Variants in MYH9 observed in about 807,000 individuals in gnomAD.
MYH9 encodes myosin heavy chain 9.
Under a neutral mutation model 241.9 loss-of-function variants are expected in MYH9, and 29 were observed. That is an observed-to-expected ratio of 0.12 (90% CI 0.09 to 0.16). The LOEUF is 0.16. Among genes scored for constraint, MYH9 ranks in the 10% least tolerant of loss-of-function variants. MYH9 has a pLI of 1.00. For missense variants in MYH9, 1,803 were observed against 2,595.5 expected, an observed-to-expected ratio of 0.69 and a Z score of 6.63; for synonymous variants, 1,047 against 1,062.6, an observed-to-expected ratio of 0.99 and a Z score of 0.29.
Position 36,284,288 on chromosome 22 carries a change from C to G in MYH9, c.5593-23G>C, listed in dbSNP as rs1410338883. 5 of 1,606,044 alleles carry G rather than the reference C, an allele frequency of 3.1e-6. No homozygotes were observed. In the African/African-American group the frequency reaches 6.7e-5, roughly 21 times the overall value. ...GGCCTGCGGAGATGGACGTGTGGCCCGTGGCCCCGGTTAGGGGCTCTGGGC... is the reference window on the plus strand; with the variant it reads ...GGCCTGCGGAGATGGACGTGTGGCCGGTGGCCCCGGTTAGGGGCTCTGGGC... On this transcript the variant is annotated intron_variant, in intron 39 of 40. Coordinates refer to ENST00000216181, the MANE Select transcript of MYH9 (RefSeq NM_002473.6).
chr22:36,303,173 T>TGCCACAC (rs112742884), intron 19 of MYH9, among the ~76,000 whole-genome samples: 7,408 of 152,124 alleles, frequency 0.049, 180 homozygotes, highest in East Asian at 0.095. Flanking sequence ...TCTGTGCAAA[T>TGCCACAC]GCTCAAGCTT....
chr22:36,314,421 C>T, intron 12 of MYH9, 103 bp from the exon 13 acceptor site: 1 of 1,391,314 alleles, frequency 7.2e-7, no homozygotes, highest in Non-Finnish European at 1.0e-6. Context: ...GGAAGGGCCT[C>T]CTTGGGCACC....
intron 1 of MYH9, among the ~76,000 whole-genome samples, chr22:36,362,482 T>C (rs1307890572): frequency 2.6e-5 from 4 of 152,042 alleles, no homozygotes; most frequent in Non-Finnish European, 5.9e-5. Flanking sequence ...CACAGAGACA[T>C]GGCTTTAGAT....
chr22:36,344,322 A>T (rs1318648640), intron 2 of MYH9, among the ~76,000 whole-genome samples: 1 of 152,238 alleles, frequency 6.6e-6, no homozygotes, highest in African/African-American at 2.4e-5. Flanking sequence ...CTGAAGAAAA[A>T]GACAGAGCAG....
Position 36,300,138 on chromosome 22 carries a change from T to G in MYH9, c.2965A>C (p.Lys989Gln), listed in dbSNP as rs201389127. ...GCCACGGGCCTCACCTTGGCCAGCT[T>G]GCAGTTCTGGTCCTCCAGGATGATC... ...EQIILEDQNCKLAKEKKLLED... is the reference protein window; with the variant it reads ...EQIILEDQNCQLAKEKKLLED... The change falls in exon 23 of 41, where the codon AAG becomes CAG. Residue 989 changes from lysine (K) to glutamine (Q), a missense_variant. Transcript: ENST00000216181. The surrounding 1 kb of genome is among the most constrained non-coding windows in gnomAD (Gnocchi z 5.0). The G allele has an allele frequency of 9.1e-5, 147 of 1,611,732 alleles. No individual in the cohort carries two copies. Among genetic ancestry groups the G allele is most frequent in the Non-Finnish European group, 1.2e-4 (146 of 1,179,998 alleles).
chr22:36,293,657 A>T lies in MYH9; in HGVS notation c.3942+102T>A. On this transcript the variant is annotated intron_variant, in intron 29 of 40. Transcript: ENST00000216181. This position sits in a 1 kb window ranked among gnomAD's most constrained non-coding sequence, Gnocchi z 5.1. ...CCCACCCACAGGATGAAGCAGATGA[A>T]GGAGAGGATGGGCAATCCGATGGGC... The T allele has an allele frequency of 7.5e-7, 1 of 1,337,760 alleles. No individual in the cohort carries two copies. Among genetic ancestry groups the T allele is most frequent in the Non-Finnish European group, 1.1e-6 (1 of 946,806 alleles). The allele number at this position is 1,337,760 out of a possible 1,614,324, so 82.9% of individuals were successfully genotyped here. A position where few individuals can be genotyped will look rare whatever the true frequency, so the allele number is the denominator to read the frequency against.
intron 3 of MYH9, among the ~76,000 whole-genome samples, chr22:36,340,051 G>A (rs1291735150): frequency 1.3e-5 from 2 of 152,100 alleles, no homozygotes; most frequent in Non-Finnish European, 2.9e-5. Flanking sequence ...GTGTTCTGAA[G>A]CAGAAAGAGC....
chr22:36,353,970 G>A (rs577290247), intron 1 of MYH9, among the ~76,000 whole-genome samples: 1 of 151,866 alleles, frequency 6.6e-6, no homozygotes, highest in Admixed American at 6.6e-5. Context: ...GCACGATCTC[G>A]GCTCACTGCA....
In MYH9 at chr22:36,306,331, G is replaced by T; in HGVS notation, c.2037+83C>A. The T allele has an allele frequency of 6.4e-7, 1 of 1,552,972 alleles. No homozygotes were observed. The highest frequency in any genetic ancestry group is 8.8e-7 in the Non-Finnish European group (1 of 1,136,620). On this transcript the variant is annotated intron_variant, in intron 16 of 40. Transcript: ENST00000216181. This position sits in a 1 kb window ranked among gnomAD's most constrained non-coding sequence, Gnocchi z 4.1. Reference sequence around the variant, plus strand: ...CTGTGCATGCTGGGGGGCTGGAGGGGTGCTTTTGCTGGGGAGACAGACAAG... The same window carrying T: ...CTGTGCATGCTGGGGGGCTGGAGGGTTGCTTTTGCTGGGGAGACAGACAAG...
rs1315141281 is a variant in MYH9 at position 36,293,289 on chromosome 22, C to A, written c.4095+40G>T. The stretch of plus-strand genomic sequence containing the variant: ...AGGCCAGTGCCCGGCCAGCAGCTCC[C>A]CAGCCTGCAGAGTCCGGCCGGTCCC... On this transcript the variant is annotated intron_variant, in intron 30 of 40. Coordinates refer to ENST00000216181, the MANE Select transcript of MYH9 (RefSeq NM_002473.6). This position sits in a 1 kb window ranked among gnomAD's most constrained non-coding sequence, Gnocchi z 5.1. 1 of 1,612,728 alleles carries A rather than the reference C, an allele frequency of 6.2e-7. No homozygotes were observed. Among genetic ancestry groups the A allele is most frequent in the South Asian group, 1.1e-5 (1 of 91,060 alleles).
Position 36,295,403 on chromosome 22 carries a change from T to C in MYH9, c.3485+102A>G. On this transcript the variant is annotated intron_variant, in intron 26 of 40. Transcript: ENST00000216181. This position sits in a 1 kb window ranked among gnomAD's most constrained non-coding sequence, Gnocchi z 4.1. ...CTGCTGGTGCCTAAGAGGGCCACGG[T>C]GTGTGTGTGTGTGTGTGTGCAGAGG... The C allele has an allele frequency of 1.7e-6, 1 of 586,432 alleles. No individual in the cohort carries two copies. Among genetic ancestry groups the C allele is most frequent in the Non-Finnish European group, 2.9e-6 (1 of 344,390 alleles). 36.3% of individuals were successfully genotyped at this position (586,432 alleles called of 1,614,324 possible). A position where few individuals can be genotyped will look rare whatever the true frequency, so the allele number is the denominator to read the frequency against.
chr22:36,320,302 G>T lies in MYH9; in HGVS notation c.930C>A (p.Ile310=). The T allele has an allele frequency of 6.2e-7, 1 of 1,614,214 alleles. No homozygotes were observed. The highest frequency in any genetic ancestry group is 1.3e-5 in the African/African-American group (1 of 75,066). Residue 310 remains isoleucine (I), a synonymous_variant, in exon 9 of 41, where the codon ATC becomes ATA. Coordinates refer to ENST00000216181, the MANE Select transcript of MYH9 (RefSeq NM_002473.6). The surrounding 1 kb of genome is among the most constrained non-coding windows in gnomAD (Gnocchi z 4.8). ...YRFLSNGHVT[I]PGQQDKDMFQ... is the part of the protein sequence containing the mutation. ...ACATGTCCTTGTCCTGCTGCCCGGGGATGGTGACGTGTCCATTGGACAGGA... is the reference window on the plus strand; with the variant it reads ...ACATGTCCTTGTCCTGCTGCCCGGGTATGGTGACGTGTCCATTGGACAGGA...
Position 36,285,088 on chromosome 22 carries a change from C to T in MYH9, c.5483+33G>A. On this transcript the variant is annotated intron_variant, in intron 38 of 40. Coordinates refer to ENST00000216181, the MANE Select transcript of MYH9 (RefSeq NM_002473.6). This position sits in a 1 kb window ranked among gnomAD's most constrained non-coding sequence, Gnocchi z 7.0. ...AGGGGGGCCAGAGTTTTTTCCAGGA[C>T]AGCTGGGGTTGGGCGGGGCCAGGGG... is the stretch of plus-strand genomic sequence containing the variant. 1 of 1,605,848 alleles carries T rather than the reference C, an allele frequency of 6.2e-7. No homozygotes were observed. The highest frequency in any genetic ancestry group is 8.5e-7 in the Non-Finnish European group (1 of 1,174,530).
intron 2 of MYH9, among the ~76,000 whole-genome samples, chr22:36,343,777 G>A (rs2017629329): frequency 6.6e-6 from 1 of 152,206 alleles, no homozygotes; most frequent in Non-Finnish European, 1.5e-5. Flanking sequence ...AGACACGGGA[G>A]CCTGTTCTGG....
intron 30 of MYH9, 45 bp from the exon 31 acceptor site, chr22:36,292,279 C>G: frequency 3.1e-6 from 5 of 1,610,904 alleles, no homozygotes; most frequent in Non-Finnish European, 4.2e-6. Context: ...ATGGCACCTG[C>G]TCAGGTGGCA....
chr22:36,318,935 TG>T (rs1397608967), intron 10 of MYH9, among the ~76,000 whole-genome samples: 2 of 152,110 alleles, frequency 1.3e-5, no homozygotes, highest in African/African-American at 4.8e-5. Context: ...GGCTAATTTT[TG>T]TATTTTTAAT....
At chr22:36,374,974 C>T (rs767360589) in intron 1 of MYH9, among the ~76,000 whole-genome samples, 35 of 152,292 alleles carry the variant, frequency 2.3e-4, no homozygotes, top group Non-Finnish European at 4.4e-4. Flanking sequence ...GAAGCCTTCT[C>T]AGACTCCCCC....
At chr22:36,324,953 T>C (rs2017312158) in intron 5 of MYH9, 2 of 672,254 alleles carry the variant, frequency 3.0e-6, no homozygotes, top group Non-Finnish European at 5.4e-6. Flanking sequence ...GCTCTCCGTG[T>C]CCTGTCTCCT....
intron 14 of MYH9, among the ~76,000 whole-genome samples, chr22:36,310,426 C>T (rs904188317): frequency 4.6e-5 from 7 of 152,224 alleles, no homozygotes; most frequent in African/African-American, 1.4e-4. Flanking sequence ...CTTAACAGAA[C>T]AAGTAATACA....
Sources: gnomAD v4.1 joint callset for allele counts (sites outside exome capture counted in the v4.1 genomes callset) on GRCh38, gnomAD v4.1.1 for gene constraint, Gnocchi (gnomAD v3.1) non-coding constraint, MANE v1.5 for transcripts, NCBI Gene and HGNC (gene_info 2026-07-23, HGNC 2026-07-21) for gene names.